KHDRBS1: variants seen among roughly 807,000 people sequenced by gnomAD.
KHDRBS1 encodes KH RNA binding domain containing, signal transduction associated 1, also known as KH domain-containing, RNA-binding, signal transduction-associated protein 1.
KHDRBS1 carries 7 observed loss-of-function variants against 48.4 expected under a neutral mutation model. That is an observed-to-expected ratio of 0.14 (90% CI 0.08 to 0.27). KHDRBS1 has a LOEUF of 0.27. Ranked by LOEUF, KHDRBS1 falls within the 10% of genes least tolerant of loss-of-function variation. The pLI is 1.00. For synonymous variants in KHDRBS1, 241 were observed against 235.8 expected (o/e 1.02, Z -0.20); for missense variants, 458 against 601.2 (o/e 0.76, Z 2.49).
intron 10 of KHDRBS1, among the ~76,000 whole-genome samples, chr1:32,053,630 C>A (rs964174566): frequency 4.6e-5 from 7 of 152,182 alleles, no homozygotes; most frequent in Admixed American, 1.3e-4. Context: ...AGCACCTTCC[C>A]AGAGTGGTAA....
At chr1:32,027,197 G>C (rs967487377) in intron 1 of KHDRBS1, among the ~76,000 whole-genome samples, 3 of 152,186 alleles carry the variant, frequency 2.0e-5, no homozygotes, top group Admixed American at 1.3e-4. Context: ...CTCCCAACGT[G>C]CTGGGATTAC....
intron 8 of KHDRBS1, among the ~76,000 whole-genome samples, chr1:32,040,351 G>C (rs1360063168): frequency 6.6e-6 from 1 of 152,048 alleles, no homozygotes; most frequent in African/African-American, 2.4e-5. Flanking sequence ...GGGAGGCGGA[G>C]GTTGCAACGA....
chr1:32,014,505 T>G, intron 1 of KHDRBS1, 128 bp downstream of exon 1: 1 of 992,162 alleles, frequency 1.0e-6, no homozygotes, highest in Non-Finnish European at 1.3e-6. Flanking sequence ...TCATCCTCAT[T>G]TTTGGGAGCC....
At chr1:32,045,877 C>G (rs1042441739), downstream of KHDRBS1, among the ~76,000 whole-genome samples, 2 of 152,246 alleles carry the variant, frequency 1.3e-5, no homozygotes, top group East Asian at 1.9e-4. Flanking sequence ...CTTTCTGCCT[C>G]TACTCAAGAT....
intron 1 of KHDRBS1, among the ~76,000 whole-genome samples, chr1:32,015,406 C>G (rs1638720557): frequency 6.6e-6 from 1 of 152,120 alleles, no homozygotes; most frequent in South Asian, 2.1e-4. Flanking sequence ...TCCTTCAACA[C>G]TGAATGAGTA....
chr1:32,017,876 G>A (rs1219987345), intron 1 of KHDRBS1, among the ~76,000 whole-genome samples: 1 of 151,768 alleles, frequency 6.6e-6, no homozygotes, highest in Non-Finnish European at 1.5e-5. Flanking sequence ...CAAAGTGCTG[G>A]AATTACAGGC....
intron 4 of KHDRBS1, among the ~76,000 whole-genome samples, chr1:32,034,749 G>A (rs886125093): frequency 4.6e-5 from 7 of 151,982 alleles, no homozygotes; most frequent in East Asian, 1.9e-4. Context: ...AGGCCGAGGC[G>A]GGTGGATCAC....
At chr1:32,031,437 G>A in intron 2 of KHDRBS1, 87 bp from the exon 3 acceptor site, 2 of 777,320 alleles carry the variant, frequency 2.6e-6, no homozygotes. Context: ...ACCTTTGCAG[G>A]GTTGTTTAAA....
chr1:32,038,102 A>G, intron 6 of KHDRBS1, 66 bp downstream of exon 6: 1 of 1,595,050 alleles, frequency 6.3e-7, no homozygotes, highest in Non-Finnish European at 8.6e-7. Context: ...GTTGAATGAC[A>G]GGGCCTCGGT....
chr1:32,058,941 G>T (rs982148897), intron 10 of KHDRBS1, among the ~76,000 whole-genome samples: 1 of 152,074 alleles, frequency 6.6e-6, no homozygotes, highest in African/African-American at 2.4e-5. Context: ...CGGATCACCT[G>T]AGGTCAGGAG....
intron 1 of KHDRBS1, among the ~76,000 whole-genome samples, chr1:32,023,320 A>G (rs992457368): frequency 6.6e-6 from 1 of 152,226 alleles, no homozygotes; most frequent in Non-Finnish European, 1.5e-5. Context: ...GGGTTTAAGT[A>G]TCTGCTATGT....
chr1:32,050,781 A>G (rs962899320), intron 10 of KHDRBS1, among the ~76,000 whole-genome samples: 2 of 151,966 alleles, frequency 1.3e-5, no homozygotes, highest in African/African-American at 2.4e-5. Flanking sequence ...CGGCCTCCCA[A>G]AGTGCTAAGA....
rs369676703 is a variant in KHDRBS1 at position 32,049,464 on chromosome 1, G to A, written n.1301+4074G>A. Among the ~76,000 whole-genome samples, 13 of 150,526 alleles carry A rather than the reference G, an allele frequency of 8.6e-5. No individual in the cohort carries two copies. In the East Asian group the frequency reaches 1.4e-3, roughly 16 times the overall value. ...ACTGTTAAATGCGATTTCACTGTAT[G>A]CATATACTACGTTTCATTTATTCAT... is the stretch of plus-strand genomic sequence containing the variant. On this transcript the variant is annotated intron_variant and non_coding_transcript_variant, in intron 10 of 10. Transcript: ENST00000484270.
At position 32,038,085 on chromosome 1, in the gene KHDRBS1, A is replaced by G. The variant is rs549341939; in HGVS notation, c.1107+49A>G. On this transcript the variant is annotated intron_variant, in intron 6 of 8. Coordinates refer to ENST00000327300, the MANE Select transcript of KHDRBS1 (RefSeq NM_006559.3). ...ATTTCCCAGTACCTAGAAGGCTGCT[A>G]AAGGAAGTTGAATGACAGGGCCTCG... The G allele has an allele frequency of 3.7e-6, 6 of 1,603,696 alleles. No individual in the cohort carries two copies. In the African/African-American group the frequency reaches 6.7e-5, roughly 18 times the overall value.
At chr1:32,059,921 C>G (rs1010039054) in intron 10 of KHDRBS1, among the ~76,000 whole-genome samples, 2 of 152,088 alleles carry the variant, frequency 1.3e-5, no homozygotes, top group African/African-American at 4.8e-5. Context: ...TGGCCAAGGA[C>G]AGGAGATATT....
chr1:32,033,346 C>T lies in KHDRBS1; in HGVS notation c.771+12C>T. On this transcript the variant is annotated intron_variant, in intron 4 of 8. Transcript: ENST00000327300. The stretch of plus-strand genomic sequence containing the variant: ...AATTTCTAGTACCGGTAAGGAAATC[C>T]ATATCCTGTGTCTTCTGAGCAAAAG... 6.2e-7 allele frequency: 1 copy of T among 1,613,454 alleles called. No individual in the cohort carries two copies. The highest frequency in any genetic ancestry group is 8.5e-7 in the Non-Finnish European group (1 of 1,179,396).
intron 1 of KHDRBS1, among the ~76,000 whole-genome samples, chr1:32,029,757 A>G (rs960719862): frequency 2.6e-5 from 4 of 152,236 alleles, no homozygotes; most frequent in Admixed American, 2.6e-4. Context: ...TTTATGAAAA[A>G]TTGGCCTTAA....
rs751047839 is a variant in KHDRBS1, at chr1:32,038,569, C to T, written c.1125C>T (p.Tyr375=). ...TGTTCTAGGGATATGATGATACATA[C>T]GCAGAACAAAGTTACGAAGGCTACG... ...TYEEYGYDDT[Y]AEQSYEGYEG... is the part of the protein sequence containing the mutation. The change falls in exon 7 of 9, where the codon TAC becomes TAT. Residue 375 remains tyrosine (Y), a synonymous_variant. Transcript: ENST00000327300. The T allele has an allele frequency of 2.5e-5, 41 of 1,613,678 alleles. No individual in the cohort carries two copies. The highest frequency in any genetic ancestry group is 3.3e-5 in the Admixed American group (2 of 59,994).
chr1:32,041,368 G>A (rs1639280023), intron 8 of KHDRBS1, among the ~76,000 whole-genome samples: 1 of 152,122 alleles, frequency 6.6e-6, no homozygotes, highest in South Asian at 2.1e-4. Context: ...CAGGCAGCTG[G>A]AAAAATACTT....
Sources: gnomAD v4.1 joint callset for allele counts (sites outside exome capture counted in the v4.1 genomes callset) on GRCh38, gnomAD v4.1.1 for gene constraint, MANE v1.5 for transcripts, NCBI Gene and HGNC (gene_info 2026-07-23, HGNC 2026-07-21) for gene names.